The following RASGRF1 variants were observed in gnomAD, a reference collection of about 807,000 sequenced individuals.
RASGRF1 encodes Ras protein specific guanine nucleotide releasing factor 1.
RASGRF1 carries 40 observed loss-of-function variants against 138.7 expected under a neutral mutation model. The ratio of observed to expected loss-of-function variants is 0.29; its 90% CI spans 0.22 to 0.38. The LOEUF is 0.38. Among genes scored for constraint, RASGRF1 ranks in the 10% least tolerant of loss-of-function variants. The probability of loss-of-function intolerance (pLI) is 1.00; values close to 1 mark genes in which losing one functional copy is unlikely to be tolerated. For synonymous variants in RASGRF1, 614 were observed against 663.2 expected (o/e 0.93, Z 1.14); for missense variants, 1,108 against 1,650.4 (o/e 0.67, Z 5.69).
At chr15:79,016,748 G>C (rs932632212) in intron 12 of RASGRF1, among the ~76,000 whole-genome samples, 4 of 152,248 alleles carry the variant, frequency 2.6e-5, no homozygotes, top group Admixed American at 2.6e-4. Flanking sequence ...AGATGGGCAG[G>C]TGGGCCAGAA....
chr15:79,001,494 C>T (rs927477877), intron 16 of RASGRF1, among the ~76,000 whole-genome samples, 168 bp downstream of exon 16: 2 of 104,068 alleles, frequency 1.9e-5, no homozygotes, highest in African/African-American at 7.2e-5. Flanking sequence ...CTTGGGGTGG[C>T]GGGGGGCGGG....
At chr15:78,997,909 C>A in intron 19 of RASGRF1, 187 bp downstream of exon 19, 1 of 592,738 alleles carries the variant, frequency 1.7e-6, no homozygotes, top group Non-Finnish European at 3.0e-6. Flanking sequence ...GAAAGAAGGA[C>A]AAATAGACTA....
chr15:78,984,930 T>C (rs1415702529), intron 23 of RASGRF1, 77 bp downstream of exon 23: 1 of 1,490,202 alleles, frequency 6.7e-7, no homozygotes, highest in Admixed American at 1.8e-5. Flanking sequence ...GGATGCCCAG[T>C]GGCCAGCCCA....
At chr15:79,038,160 AC>A (rs1457846697) in intron 5 of RASGRF1, among the ~76,000 whole-genome samples, 1 of 151,986 alleles carries the variant, frequency 6.6e-6, no homozygotes, top group Non-Finnish European at 1.5e-5. Context: ...GGGATTGGGG[AC>A]CCCTGATATA....
chr15:79,035,035 C>CT (rs1198678601), intron 6 of RASGRF1, 96 bp downstream of exon 6: 53 of 1,018,028 alleles, frequency 5.2e-5, no homozygotes, highest in Non-Finnish European at 7.5e-5. Flanking sequence ...AAGTGACACT[C>CT]TATTATGCTC....
rs974704610 is a variant in RASGRF1 at position 79,046,005 on chromosome 15, A to G, written c.878+741T>C. Among the ~76,000 whole-genome samples the G allele has an allele frequency of 3.3e-5, 5 of 152,340 alleles. No homozygotes were observed. The highest frequency in any genetic ancestry group is 1.2e-4 in the African/African-American group (5 of 41,578). On this transcript the variant is annotated intron_variant, in intron 5 of 26. Coordinates refer to ENST00000558480, the MANE Select transcript of RASGRF1 (RefSeq NM_001145648.3). The surrounding 1 kb of genome is among the most constrained non-coding windows in gnomAD (Gnocchi z 5.3). ...GCTTTTATCTAGTTTATACAATTTT[A>G]TCACCAACCAGAAAGCTCATTTAAA... is the stretch of plus-strand genomic sequence containing the variant.
chr15:79,049,390 G>T, intron 4 of RASGRF1, 106 bp downstream of exon 4: 1 of 1,023,106 alleles, frequency 9.8e-7, no homozygotes, highest in African/African-American at 1.6e-5. Flanking sequence ...GGGGATGGGG[G>T]GCACGCTCTG....
At chr15:79,020,137 G>A in intron 10 of RASGRF1, 33 bp from the exon 11 acceptor site, 1 of 1,605,616 alleles carries the variant, frequency 6.2e-7, no homozygotes, top group African/African-American at 1.3e-5. Context: ...GCTTTGGATT[G>A]AGGGGTAGAT....
intron 3 of RASGRF1, among the ~76,000 whole-genome samples, chr15:79,056,789 C>A (rs144968097): frequency 0.01 from 1,539 of 152,310 alleles, 12 homozygotes; most frequent in Middle Eastern, 0.034. Context: ...GGCTTTAGAT[C>A]TTTGAACATT....
At chr15:79,004,773 A>T in intron 14 of RASGRF1, 1 of 985,600 alleles carries the variant, frequency 1.0e-6, no homozygotes, top group Non-Finnish European at 1.2e-6. Flanking sequence ...ATACATCCAG[A>T]ACATTGCAAA....
intron 11 of RASGRF1, among the ~76,000 whole-genome samples, chr15:79,018,253 C>T (rs896386400): frequency 6.6e-6 from 1 of 152,256 alleles, no homozygotes; most frequent in African/African-American, 2.4e-5. Context: ...CAAGCCAGGG[C>T]AGGGCTAGAA....
In RASGRF1 at chr15:79,046,495, G is replaced by A. The variant is rs369378278; in HGVS notation, c.878+251C>T. ...CCAAACATTCCTAAGTGTTCCCCACGGAGCAAAACTGCCCCAGTTGAGGCC... is the reference window on the plus strand; with the variant it reads ...CCAAACATTCCTAAGTGTTCCCCACAGAGCAAAACTGCCCCAGTTGAGGCC... On this transcript the variant is annotated intron_variant, in intron 5 of 26. Coordinates refer to ENST00000558480, the MANE Select transcript of RASGRF1 (RefSeq NM_001145648.3). The surrounding 1 kb of genome is among the most constrained non-coding windows in gnomAD (Gnocchi z 5.3). Among the ~76,000 whole-genome samples the A allele has an allele frequency of 6.6e-6, 1 of 152,204 alleles. No individual in the cohort carries two copies. The highest frequency in any genetic ancestry group is 6.5e-5 in the Admixed American group (1 of 15,278).
rs140922239 is a variant in RASGRF1 at position 78,979,167 on chromosome 15, A to G, written c.3494+1453T>C. On this transcript the variant is annotated intron_variant, in intron 24 of 26. Transcript: ENST00000558480. ...AGGGGCTCTCGGGAGCCCAGGCAGA[A>G]GAGAGACGGCTGGACAGCACAGATG... 19 of 1,288,808 alleles carry G rather than the reference A, an allele frequency of 1.5e-5. No homozygotes were observed. In the East Asian group the frequency reaches 2.8e-4, roughly 19 times the overall value. 79.8% of individuals were successfully genotyped at this position (1,288,808 alleles called of 1,614,324 possible).
At position 78,963,394 on chromosome 15, in the gene RASGRF1, C is replaced by A. The variant is rs538038553; in HGVS notation, c.3682-1158G>T. ...TGGGCTCACTGCAACCTCTGCCTCC[C>A]GGGTTCAAGCAATTGTCCTGTCTCA... On this transcript the variant is annotated intron_variant, in intron 26 of 26. Coordinates refer to ENST00000558480, the MANE Select transcript of RASGRF1 (RefSeq NM_001145648.3). 3.9e-5 allele frequency among the ~76,000 whole-genome samples: 6 copies of A among 152,162 alleles called. No homozygotes were observed. In the East Asian group the frequency reaches 1.2e-3, roughly 29 times the overall value.
At chr15:79,036,592 A>C (rs2057225904) in intron 5 of RASGRF1, among the ~76,000 whole-genome samples, 1 of 152,132 alleles carries the variant, frequency 6.6e-6, no homozygotes, top group Admixed American at 6.5e-5. Flanking sequence ...GTGAGCACAG[A>C]GATGCTCCAG....
intron 26 of RASGRF1, among the ~76,000 whole-genome samples, chr15:78,968,962 C>T (rs1159294833): frequency 6.6e-6 from 1 of 152,176 alleles, no homozygotes; most frequent in African/African-American, 2.4e-5. Flanking sequence ...CTCTTGCTAT[C>T]TCCTCTTAGT....
intron 3 of RASGRF1, among the ~76,000 whole-genome samples, chr15:79,052,565 G>T (rs1264871469): frequency 6.6e-6 from 1 of 152,180 alleles, no homozygotes; most frequent in Non-Finnish European, 1.5e-5. Flanking sequence ...AGCCTAAGAA[G>T]GAGGTCAGGC....
intron 1 of RASGRF1, 193 bp from the exon 2 acceptor site, chr15:79,064,719 G>T (rs2057653796): frequency 1.7e-6 from 1 of 599,960 alleles, no homozygotes; most frequent in Non-Finnish European, 3.0e-6. Context: ...TTTGTATCGT[G>T]TAACAGAGCC....
At chr15:79,020,487 T>A (rs1375357598) in intron 10 of RASGRF1, among the ~76,000 whole-genome samples, 1 of 152,200 alleles carries the variant, frequency 6.6e-6, no homozygotes, top group African/African-American at 2.4e-5. Context: ...AGGCCAAAGC[T>A]ATCAGGTTAC....
Sources: allele counts gnomAD v4.1 joint callset (sites outside exome capture counted in the v4.1 genomes callset), GRCh38; gene constraint gnomAD v4.1.1; non-coding constraint Gnocchi (gnomAD v3.1); transcripts MANE v1.5; gene names NCBI Gene and HGNC (gene_info 2026-07-23, HGNC 2026-07-21).